Variants in FRMD4A observed in about 807,000 individuals in gnomAD.
FRMD4A encodes FERM domain-containing protein 4A.
A neutral mutation model predicts 129.1 loss-of-function variants in FRMD4A; 29 were observed. The ratio of observed to expected loss-of-function variants is 0.22; its 90% CI spans 0.17 to 0.31. The LOEUF (loss-of-function observed/expected upper bound fraction) is 0.31, where lower values mean the gene tolerates loss of function less well. Ranked by LOEUF, FRMD4A falls within the 10% of genes least tolerant of loss-of-function variation. The pLI, the probability that FRMD4A is intolerant of heterozygous loss-of-function variation, is 1.00. For missense variants in FRMD4A, 1,272 were observed against 1,375.8 expected (o/e 0.92, Z 1.19); for synonymous variants, 634 against 571.6 (o/e 1.11, Z -1.56).
At chr10:13,726,965 A>ACGACCTCGGCCACTG (rs1352756186) in intron 12 of FRMD4A, among the ~76,000 whole-genome samples, 4 of 151,938 alleles carry the variant, frequency 2.6e-5, no homozygotes. Flanking sequence ...GTGCGATGGC[A>ACGACCTCGGCCACTG]CGACCTCGGC....
chr10:13,701,436 T>C lies in FRMD4A; in HGVS notation c.879A>G (p.Ala293=), dbSNP rs1389144359. 3 of 1,612,874 alleles carry C rather than the reference T, an allele frequency of 1.9e-6. No individual in the cohort carries two copies. Among genetic ancestry groups the C allele is most frequent in the East Asian group, 2.2e-5 (1 of 44,880 alleles). Residue 293 remains alanine (A), a synonymous_variant, in exon 14 of 25, where the codon GCA becomes GCG. Coordinates refer to ENST00000357447, the MANE Select transcript of FRMD4A (RefSeq NM_018027.5). ...CCGGACATGCATACCACGTGTGCAC[T>C]GCAATGCCGCTGTGCCCAAACGTCC... ...TRRTFGHSGI[A]VHTWYACPAL... is the part of the protein sequence containing the mutation.
chr10:13,791,008 C>T (rs577613166), intron 5 of FRMD4A, among the ~76,000 whole-genome samples: 24 of 152,184 alleles, frequency 1.6e-4, no homozygotes, highest in Admixed American at 1.3e-3. Context: ...TGGATCAGTG[C>T]GTGCTGGATG....
chr10:13,847,077 G>A (rs2094059378), intron 3 of FRMD4A, among the ~76,000 whole-genome samples: 1 of 152,168 alleles, frequency 6.6e-6, no homozygotes, highest in Non-Finnish European at 1.5e-5. Flanking sequence ...AAATTTCCTG[G>A]CTTCTAAAGC....
intron 17 of FRMD4A, among the ~76,000 whole-genome samples, chr10:13,669,431 A>T (rs149448315): frequency 0.013 from 1,918 of 152,306 alleles, 23 homozygotes; most frequent in Middle Eastern, 0.065. Context: ...AGGACCTGCC[A>T]CTGCAGATCT....
intron 2 of FRMD4A, among the ~76,000 whole-genome samples, chr10:13,859,433 T>G (rs2131040040): frequency 6.6e-6 from 1 of 152,300 alleles, no homozygotes; most frequent in Middle Eastern, 3.4e-3. Flanking sequence ...CAGGCACTTT[T>G]CTGGGAGCTG....
At chr10:14,255,183 C>T (rs1177270049) in intron 2 of FRMD4A, among the ~76,000 whole-genome samples, 1 of 152,190 alleles carries the variant, frequency 6.6e-6, no homozygotes, top group African/African-American at 2.4e-5. Context: ...ATGAACTAAA[C>T]CATCTGCTAA....
At chr10:14,169,757 T>C (rs1019655484) in intron 2 of FRMD4A, among the ~76,000 whole-genome samples, 1 of 152,196 alleles carries the variant, frequency 6.6e-6, no homozygotes, top group Non-Finnish European at 1.5e-5. Flanking sequence ...AAACCTGTCA[T>C]TCTTCAGCTC....
chr10:13,761,205 G>A (rs1047886915), intron 8 of FRMD4A, among the ~76,000 whole-genome samples: 25 of 152,312 alleles, frequency 1.6e-4, no homozygotes, highest in Non-Finnish European at 2.2e-4. Context: ...ACATTTTCAC[G>A]AATGAAATTT....
intron 6 of FRMD4A, among the ~76,000 whole-genome samples, chr10:13,764,732 A>C (rs1381951175): frequency 6.6e-6 from 1 of 152,196 alleles, no homozygotes; most frequent in Non-Finnish European, 1.5e-5. Context: ...GCTTAAGCAC[A>C]AATATCCATT....
At chr10:14,080,168 A>G (rs1264008671) in intron 2 of FRMD4A, among the ~76,000 whole-genome samples, 1 of 152,206 alleles carries the variant, frequency 6.6e-6, no homozygotes, top group Non-Finnish European at 1.5e-5. Context: ...ACATGAAGCC[A>G]CAAAGATGCC....
At chr10:13,989,151 GCCCCCTAGTGGCA>G (rs2131421508) in intron 2 of FRMD4A, among the ~76,000 whole-genome samples, 1 of 152,154 alleles carries the variant, frequency 6.6e-6, no homozygotes, top group East Asian at 1.9e-4. Flanking sequence ...CAGTCTTCCA[GCCCCCTAGTGGCA>G]CCTCCCATCC....
intron 2 of FRMD4A, among the ~76,000 whole-genome samples, chr10:14,098,434 C>T (rs893852652): frequency 1.8e-4 from 27 of 151,082 alleles, no homozygotes; most frequent in South Asian, 2.1e-4. Flanking sequence ...AACAGAGTCT[C>T]GCTCTGTCAC....
At chr10:13,671,339 A>T (rs7090466) in intron 16 of FRMD4A, among the ~76,000 whole-genome samples, 8,328 of 152,210 alleles carry the variant, frequency 0.055, 303 homozygotes, top group African/African-American at 0.11. Flanking sequence ...CTGTAATCCC[A>T]GCTACTTGGG....
At chr10:13,962,071 G>GAATA (rs1186198462) in intron 2 of FRMD4A, among the ~76,000 whole-genome samples, 1 of 139,830 alleles carries the variant, frequency 7.2e-6, no homozygotes, top group Non-Finnish European at 1.6e-5. Context: ...ATGAATGAAT[G>GAATA]AATGAATCTT....
At chr10:14,089,051 T>C (rs1203294670) in intron 2 of FRMD4A, among the ~76,000 whole-genome samples, 1 of 152,124 alleles carries the variant, frequency 6.6e-6, no homozygotes, top group Non-Finnish European at 1.5e-5. Flanking sequence ...TGGGGGCTGC[T>C]GAGCAGAGCC....
chr10:13,833,164 A>G (rs545181044), intron 3 of FRMD4A, among the ~76,000 whole-genome samples: 3 of 152,180 alleles, frequency 2.0e-5, no homozygotes, highest in African/African-American at 7.2e-5. Flanking sequence ...CACATTGCCA[A>G]TAAAGACATA....
At chr10:13,796,336 G>A (rs954755188) in intron 5 of FRMD4A, among the ~76,000 whole-genome samples, 160 bp downstream of exon 5, 4 of 152,030 alleles carry the variant, frequency 2.6e-5, no homozygotes, top group Non-Finnish European at 4.4e-5. Flanking sequence ...CTCGCACCCC[G>A]CCTTTCCATC....
At chr10:14,172,259 A>G (rs557807825) in intron 2 of FRMD4A, among the ~76,000 whole-genome samples, 1 of 152,306 alleles carries the variant, frequency 6.6e-6, no homozygotes, top group East Asian at 1.9e-4. Context: ...ATGAGAATCT[A>G]TTTGCTATGT....
chr10:14,264,655 T>G (rs1844915928), intron 2 of FRMD4A, among the ~76,000 whole-genome samples: 1 of 152,252 alleles, frequency 6.6e-6, no homozygotes, highest in Non-Finnish European at 1.5e-5. Context: ...GACTATTTAA[T>G]TAAAATATCT....
Sources: allele counts gnomAD v4.1 joint callset (sites outside exome capture counted in the v4.1 genomes callset), GRCh38; gene constraint gnomAD v4.1.1; transcripts MANE v1.5; gene names NCBI Gene and HGNC (gene_info 2026-07-23, HGNC 2026-07-21).